The following TRMT44 variants were observed in gnomAD, a reference collection of about 807,000 sequenced individuals.
TRMT44 encodes tRNA methyltransferase 44 homolog, also known as probable tRNA (uracil-O(2)-)-methyltransferase.
In TRMT44, 78 loss-of-function variants were observed where a neutral mutation model predicts 77.3. That is an observed-to-expected ratio of 1.01 (90% CI 0.84 to 1.22). The LOEUF is 1.22. Among genes scored for constraint, TRMT44 ranks in the 50% most tolerant of loss-of-function variants. The probability of loss-of-function intolerance (pLI) is 0.00; values close to 1 mark genes in which losing one functional copy is unlikely to be tolerated. For synonymous variants in TRMT44, 391 were observed against 383.3 expected (o/e 1.02, Z -0.23); for missense variants, 1,090 against 964.4 (o/e 1.13, Z -1.73).
chr4:8,450,031 A>C lies in TRMT44; in HGVS notation c.954+143A>C, dbSNP rs923413041. Reference sequence around the variant, plus strand: ...AAAAGGGCCAGAGTGAAGTGGTGTGATCTTGGCTCACTGCAACCTCTGCCT... The same window carrying C: ...AAAAGGGCCAGAGTGAAGTGGTGTGCTCTTGGCTCACTGCAACCTCTGCCT... On this transcript the variant is annotated intron_variant, in intron 3 of 10. Coordinates refer to ENST00000389737, the MANE Select transcript of TRMT44 (RefSeq NM_152544.3). 6 of 532,964 alleles carry C rather than the reference A, an allele frequency of 1.1e-5. No homozygotes were observed. In the Admixed American group the frequency reaches 2.4e-4, roughly 21 times the overall value. The allele number at this position is 532,964 out of a possible 1,614,324, so 33.0% of individuals were successfully genotyped here. A position where few individuals can be genotyped will look rare whatever the true frequency, so the allele number is the denominator to read the frequency against.
At chr4:8,504,394 C>T in the TRMT44 span, among the ~76,000 whole-genome samples, 3 of 152,118 alleles carry the variant, frequency 2.0e-5, no homozygotes, top group South Asian at 4.1e-4. The surrounding 1 kb of genome is among the most constrained non-coding windows in gnomAD (Gnocchi z 5.3). Context: ...CCCGGGCCTG[C>T]GCTGCTGCCC....
At chr4:8,455,389 G>A (rs1241658243) in intron 6 of TRMT44, among the ~76,000 whole-genome samples, 6 of 152,250 alleles carry the variant, frequency 3.9e-5, no homozygotes, top group South Asian at 2.1e-4. Flanking sequence ...TGCCCAGCAC[G>A]GAAGCGAGAT....
downstream of TRMT44, among the ~76,000 whole-genome samples, chr4:8,495,973 A>G (rs1432999624): frequency 1.3e-5 from 2 of 152,218 alleles, no homozygotes; most frequent in African/African-American, 4.8e-5. Flanking sequence ...TCCTGCAGCC[A>G]ATCAGATGGG....
intron 2 of TRMT44, among the ~76,000 whole-genome samples, chr4:8,486,081 A>G (rs1447377384): frequency 2.0e-5 from 3 of 152,242 alleles, no homozygotes; most frequent in Non-Finnish European, 4.4e-5. Flanking sequence ...GGAGTCAGTC[A>G]GAGAGCCTTG....
At chr4:8,504,356 C>G in the TRMT44 span, among the ~76,000 whole-genome samples, 16 of 152,152 alleles carry the variant, frequency 1.1e-4, 1 homozygote, top group Admixed American at 9.8e-4. This position sits in a 1 kb window ranked among gnomAD's most constrained non-coding sequence, Gnocchi z 5.3. Context: ...CAGGTACCCG[C>G]GCCAGCTTTA....
chr4:8,506,674 GA>G, the TRMT44 span, among the ~76,000 whole-genome samples: 12 of 152,248 alleles, frequency 7.9e-5, no homozygotes, highest in Admixed American at 7.9e-4. Flanking sequence ...CTTCTCTGTG[GA>G]ATTCTCACCT....
At chr4:8,485,330 C>A (rs1434288380) in intron 2 of TRMT44, among the ~76,000 whole-genome samples, 3 of 152,124 alleles carry the variant, frequency 2.0e-5, no homozygotes, top group Admixed American at 6.5e-5. Context: ...GGTTGGGCAC[C>A]ACAGGGTGGA....
At position 8,440,911 on chromosome 4, in the gene TRMT44, G is replaced by T; in HGVS notation, c.89G>T (p.Arg30Met). 1 of 1,530,518 alleles carries T rather than the reference G, an allele frequency of 6.5e-7. No homozygotes were observed. The highest frequency in any genetic ancestry group is 1.2e-5 in the South Asian group (1 of 83,312). The allele number at this position is 1,530,518 out of a possible 1,614,324, so 94.8% of individuals were successfully genotyped here. A position where few individuals can be genotyped will look rare whatever the true frequency, so the allele number is the denominator to read the frequency against. Residue 30 changes from arginine (R) to methionine (M), a missense_variant, in exon 1 of 11, where the codon AGG becomes ATG. By Grantham distance (91) the Arg-to-Met change is moderately conservative (BLOSUM62 -1). Transcript: ENST00000389737. Reference protein sequence around the residue: ...FWAAVEVWLERPQVANKRLCG... With the variant: ...FWAAVEVWLEMPQVANKRLCG... Reference sequence around the variant, plus strand: ...GCTGCGGTCGAAGTGTGGCTGGAGAGGCCGCAGGTGGCAAACAAACGGCTT... The same window carrying T: ...GCTGCGGTCGAAGTGTGGCTGGAGATGCCGCAGGTGGCAAACAAACGGCTT...
At chr4:8,470,299 T>C (rs1178056867) in intron 9 of TRMT44, among the ~76,000 whole-genome samples, 2 of 152,182 alleles carry the variant, frequency 1.3e-5, no homozygotes, top group East Asian at 3.9e-4. Flanking sequence ...AGGAGTGTGG[T>C]GTCCTGATCC....
chr4:8,466,279 T>C lies in TRMT44; in HGVS notation c.1494+718T>C, dbSNP rs116302629. Among the ~76,000 whole-genome samples the C allele has an allele frequency of 3.9e-3, 592 of 152,332 alleles. 4 individuals are homozygous for C. Among genetic ancestry groups the C allele is most frequent in the African/African-American group, 0.014 (574 of 41,584 alleles). On this transcript the variant is annotated intron_variant, in intron 8 of 10. Transcript: ENST00000389737. ...CCTTAGCAAGAAAGGGCCCAGCTGA[T>C]CTGAGTGAAGCCTCGGCTCTGCTGC...
In TRMT44 at chr4:8,461,964, C is replaced by T. The variant is rs73089517; in HGVS notation, c.1204-2021C>T. Among the ~76,000 whole-genome samples, 3,831 of 152,210 alleles carry T rather than the reference C, an allele frequency of 0.025. 155 individuals carry two copies. Among genetic ancestry groups the T allele is most frequent in the African/African-American group, 0.087 (3,592 of 41,504 alleles). ...AACTTTTTTTCTTTCTTTCAAAAAC[C>T]TCATTTGATTGCAAGCAAGAGAGTG... On this transcript the variant is annotated intron_variant, in intron 6 of 10. Transcript: ENST00000389737. The surrounding 1 kb of genome is among the most constrained non-coding windows in gnomAD (Gnocchi z 4.6).
chr4:8,485,751 A>C (rs138836177), intron 2 of TRMT44, among the ~76,000 whole-genome samples: 9,181 of 152,230 alleles, frequency 0.06, 411 homozygotes, highest in South Asian at 0.2. Flanking sequence ...ATCTCGGCCT[A>C]ATAAGGGAAC....
rs76411599 is a variant in TRMT44 at position 8,469,104 on chromosome 4, A to T, written c.1927+758A>T. On this transcript the variant is annotated intron_variant, in intron 9 of 10. Transcript: ENST00000389737. The stretch of plus-strand genomic sequence containing the variant: ...CAGGCTTTGCTTTCCTCACCTATGA[A>T]TGTTGGGACAAAATCATACCCGTTT... Among the ~76,000 whole-genome samples the T allele has an allele frequency of 2.8e-3, 422 of 152,302 alleles. 2 individuals are homozygous for T. Among genetic ancestry groups the T allele is most frequent in the African/African-American group, 9.5e-3 (394 of 41,556 alleles).
chr4:8,508,853 TC>T, the TRMT44 span: 1 of 153,606 alleles, frequency 6.5e-6, no homozygotes, highest in Non-Finnish European at 1.4e-5. Context: ...CTCTTCTGTG[TC>T]CTTGGCTGCC....
the TRMT44 span, among the ~76,000 whole-genome samples, chr4:8,508,055 C>T: frequency 6.6e-6 from 1 of 152,170 alleles, no homozygotes; most frequent in African/African-American, 2.4e-5. Context: ...TACAGGTGCC[C>T]ACCACCATGC....
At chr4:8,459,424 G>A (rs1237875621) in intron 6 of TRMT44, among the ~76,000 whole-genome samples, 2 of 152,160 alleles carry the variant, frequency 1.3e-5, no homozygotes, top group South Asian at 2.1e-4. Context: ...TTTTACAGGC[G>A]AGGAAACCGA....
downstream of TRMT44, among the ~76,000 whole-genome samples, chr4:8,497,748 C>T (rs1385148835): frequency 6.6e-6 from 1 of 152,202 alleles, no homozygotes; most frequent in African/African-American, 2.4e-5. Context: ...AATAAACAAT[C>T]CTCCTGTTCT....
intron 2 of TRMT44, among the ~76,000 whole-genome samples, chr4:8,484,082 G>A (rs532064373): frequency 6.6e-6 from 1 of 152,158 alleles, no homozygotes; most frequent in East Asian, 1.9e-4. Context: ...TCTAAGAGGC[G>A]GGCTAGTGGC....
downstream of TRMT44, among the ~76,000 whole-genome samples, chr4:8,497,770 T>C (rs1354925279): frequency 1.3e-5 from 2 of 152,244 alleles, no homozygotes. Context: ...CATATCAGTC[T>C]CTTTAGTCTC....
Sources: allele counts gnomAD v4.1 joint callset (sites outside exome capture counted in the v4.1 genomes callset), GRCh38; gene constraint gnomAD v4.1.1; non-coding constraint Gnocchi (gnomAD v3.1); transcripts MANE v1.5; gene names NCBI Gene and HGNC (gene_info 2026-07-23, HGNC 2026-07-21).